Variants in CAMSAP2 observed in about 807,000 individuals in gnomAD.
The protein encoded by CAMSAP2 is calmodulin-regulated spectrin-associated protein 2.
CAMSAP2 carries 26 observed loss-of-function variants against 146.1 expected under a neutral mutation model. The ratio of observed to expected loss-of-function variants is 0.18; its 90% confidence interval spans 0.13 to 0.25. CAMSAP2 has a LOEUF of 0.25. Ranked by LOEUF, CAMSAP2 falls within the 10% of genes least tolerant of loss-of-function variation. The pLI is 1.00. For synonymous variants in CAMSAP2, 499 were observed against 596.6 expected (o/e 0.84, Z 2.38); for missense variants, 1,381 against 1,759.3 (o/e 0.78, Z 3.85).
rs1667204565 is a variant in CAMSAP2 at position 200,837,101 on chromosome 1, C to T, written c.927+4256C>T. On this transcript the variant is annotated intron_variant, in intron 6 of 16. Transcript: ENST00000358823. ...CAGAAGCTTTGTAGTTTAATTAGAT[C>T]CTATTTGTCAATTTTTGCTTTTGTT... Among the ~76,000 whole-genome samples, 3 of 152,188 alleles carry T rather than the reference C, an allele frequency of 2.0e-5. No individual in the cohort carries two copies. The South Asian group carries it at 6.2e-4, about 32-fold the overall frequency.
chr1:200,753,249 G>T (rs929032818), intron 1 of CAMSAP2, among the ~76,000 whole-genome samples: 24 of 148,450 alleles, frequency 1.6e-4, no homozygotes, highest in Admixed American at 3.4e-4. Flanking sequence ...AGTGAGCTGG[G>T]ATTGTGCCAC....
At chr1:200,799,302 G>GT (rs943996973) in intron 2 of CAMSAP2, among the ~76,000 whole-genome samples, 503 of 146,620 alleles carry the variant, frequency 3.4e-3, no homozygotes, top group African/African-American at 9.8e-3. Flanking sequence ...TAGTCCTGGG[G>GT]TTTTTTTTTT....
At chr1:200,762,399 A>G (rs1664825665) in intron 2 of CAMSAP2, among the ~76,000 whole-genome samples, 1 of 152,174 alleles carries the variant, frequency 6.6e-6, no homozygotes, top group Non-Finnish European at 1.5e-5. Flanking sequence ...TGACTTTGGC[A>G]TACCTGCTTT....
intron 2 of CAMSAP2, among the ~76,000 whole-genome samples, chr1:200,767,276 C>T (rs900231903): frequency 1.3e-5 from 2 of 151,432 alleles, no homozygotes; most frequent in African/African-American, 2.4e-5. Context: ...GTGAGAGAAT[C>T]GCTTGAACCT....
chr1:200,762,153 A>G (rs184996546), intron 2 of CAMSAP2, among the ~76,000 whole-genome samples: 2 of 152,360 alleles, frequency 1.3e-5, no homozygotes, highest in Admixed American at 1.3e-4. Flanking sequence ...GAACAAAAAA[A>G]TTAGTTTATA....
chr1:200,805,137 A>G (rs1455569066), intron 2 of CAMSAP2, among the ~76,000 whole-genome samples: 1 of 152,260 alleles, frequency 6.6e-6, no homozygotes, highest in Non-Finnish European at 1.5e-5. Context: ...TATATGGCAC[A>G]TAAGTTAGAC....
Position 200,849,900 on chromosome 1 carries a change from T to G in CAMSAP2, c.3131T>G (p.Leu1044Trp). 1 of 1,614,114 alleles carries G rather than the reference T, an allele frequency of 6.2e-7. No individual in the cohort carries two copies. The highest frequency in any genetic ancestry group is 8.5e-7 in the Non-Finnish European group (1 of 1,180,020). ...AAAGAGGAAGTTAAAAAGGAGGAAT[T>G]GGAATCCAAAGGGACTTTGGAACAG... ...KPKEEVKKEELESKGTLEQRG... is the reference protein window; with the variant it reads ...KPKEEVKKEEWESKGTLEQRG... The change falls in exon 11 of 17, where the codon TTG becomes TGG. Residue 1044 changes from leucine (L) to tryptophan (W), a missense_variant. By Grantham distance (61) the Leu-to-Trp change is moderately conservative. Transcript: ENST00000358823. The surrounding 1 kb of genome is among the most constrained non-coding windows in gnomAD (Gnocchi z 6.3).
intron 2 of CAMSAP2, among the ~76,000 whole-genome samples, chr1:200,797,848 A>G (rs1337290762): frequency 7.1e-6 from 1 of 141,572 alleles, no homozygotes; most frequent in Admixed American, 7.2e-5. Context: ...TGATTTTTGT[A>G]TAAGGTGTAA....
chr1:200,820,620 C>G (rs550877812), intron 4 of CAMSAP2, among the ~76,000 whole-genome samples: 22 of 152,268 alleles, frequency 1.4e-4, no homozygotes, highest in African/African-American at 4.8e-4. Context: ...TCTCCCTTGA[C>G]TAAAATTCCT....
intron 7 of CAMSAP2, among the ~76,000 whole-genome samples, chr1:200,843,683 T>C (rs1044281759): frequency 7.9e-5 from 12 of 152,118 alleles, no homozygotes; most frequent in Non-Finnish European, 1.5e-5. Flanking sequence ...CTTACAAAAA[T>C]AAAAGTATAC....
At chr1:200,816,963 T>C (rs145920576) in intron 4 of CAMSAP2, among the ~76,000 whole-genome samples, 2,688 of 10,584 alleles carry the variant, frequency 0.25, 866 homozygotes, top group Non-Finnish European at 0.41. Context: ...CACACACGCG[T>C]GTGTATGTGT....
intron 1 of CAMSAP2, among the ~76,000 whole-genome samples, chr1:200,747,619 T>G (rs1371740989): frequency 1.3e-5 from 2 of 152,138 alleles, no homozygotes; most frequent in African/African-American, 4.8e-5. Context: ...TGGTTTTGAT[T>G]TGATCAGGGC....
chr1:200,748,545 A>T (rs1332956590), intron 1 of CAMSAP2, among the ~76,000 whole-genome samples: 1 of 151,980 alleles, frequency 6.6e-6, no homozygotes, highest in South Asian at 2.1e-4. Flanking sequence ...TTTCAGGTAT[A>T]TATGACCAGA....
chr1:200,841,056 A>G (rs546046930), intron 6 of CAMSAP2, among the ~76,000 whole-genome samples: 1 of 152,330 alleles, frequency 6.6e-6, no homozygotes, highest in East Asian at 1.9e-4. Flanking sequence ...AATTATTTAC[A>G]TTTTAAAATA....
intron 9 of CAMSAP2, 121 bp downstream of exon 9, chr1:200,847,413 TTTTGTTTG>T: frequency 1.3e-6 from 1 of 769,756 alleles, no homozygotes; most frequent in African/African-American, 1.8e-5. Context: ...GTGTGTGTTT[TTTTGTTTG>T]TTTGTTTGTT....
chr1:200,779,341 A>G (rs1440851601), intron 2 of CAMSAP2, among the ~76,000 whole-genome samples: 1 of 152,190 alleles, frequency 6.6e-6, no homozygotes, highest in Non-Finnish European at 1.5e-5. Flanking sequence ...CAAACTAGGT[A>G]TATATTGTAG....
At chr1:200,823,716 A>G (rs1431767158) in intron 4 of CAMSAP2, among the ~76,000 whole-genome samples, 1 of 152,162 alleles carries the variant, frequency 6.6e-6, no homozygotes, top group Non-Finnish European at 1.5e-5. Flanking sequence ...TCTCCATTAT[A>G]AATTTACTGG....
chr1:200,852,881 G>T (rs1310063002), intron 12 of CAMSAP2, among the ~76,000 whole-genome samples: 1 of 152,054 alleles, frequency 6.6e-6, no homozygotes, highest in Non-Finnish European at 1.5e-5. Context: ...TTTTCCCAAA[G>T]TATTGCCTAA....
chr1:200,848,380 C>T lies in CAMSAP2; in HGVS notation c.1611C>T (p.Ile537=), dbSNP rs781413231. The T allele has an allele frequency of 1.2e-6, 2 of 1,613,830 alleles. No homozygotes were observed. The highest frequency in any genetic ancestry group is 1.7e-6 in the Non-Finnish European group (2 of 1,179,930). Residue 537 remains isoleucine (I), a synonymous_variant, in exon 11 of 17, where the codon ATC becomes ATT. Coordinates refer to ENST00000358823, the MANE Select transcript of CAMSAP2 (RefSeq NM_203459.4). ...RILLDEFGNQ[I]ETPSIEEALQ... is the part of the protein sequence containing the mutation. ...TTCTTGACGAGTTTGGCAATCAGAT[C>T]GAGACACCAAGCATTGAAGAAGCAT...
Sources: gnomAD v4.1 joint callset for allele counts (sites outside exome capture counted in the v4.1 genomes callset) on GRCh38, gnomAD v4.1.1 for gene constraint, Gnocchi (gnomAD v3.1) non-coding constraint, MANE v1.5 for transcripts, NCBI Gene and HGNC (gene_info 2026-07-23, HGNC 2026-07-21) for gene names.